Variants in CAPN8 observed in about 807,000 individuals in gnomAD.
CAPN8 encodes the protein calpain 8.
A neutral mutation model predicts 80.9 loss-of-function variants in CAPN8; 87 were observed. The ratio of observed to expected loss-of-function variants is 1.07; its 90% CI spans 0.90 to 1.28. CAPN8 has a LOEUF of 1.28. Ranked by LOEUF, CAPN8 falls within the 50% of genes most tolerant of loss-of-function variation. CAPN8 has a pLI of 0.00. For synonymous variants in CAPN8, 299 were observed against 273.8 expected (o/e 1.09, Z -0.91); for missense variants, 757 against 702.0 (o/e 1.08, Z -0.89).
At chr1:223,556,024 C>G (rs1054219651) in intron 13 of CAPN8, among the ~76,000 whole-genome samples, 1 of 152,164 alleles carries the variant, frequency 6.6e-6, no homozygotes, top group Admixed American at 6.5e-5. Flanking sequence ...GCATGGCAAA[C>G]GCAAGGAATT....
intron 9 of CAPN8, among the ~76,000 whole-genome samples, chr1:223,618,936 T>C (rs1657289306): frequency 6.6e-6 from 1 of 152,134 alleles, no homozygotes; most frequent in African/African-American, 2.4e-5. Context: ...ACAACTGTAA[T>C]CCCAGAACTT....
intron 16 of CAPN8, among the ~76,000 whole-genome samples, chr1:223,547,533 T>G (rs1417355006): frequency 6.6e-6 from 1 of 152,218 alleles, no homozygotes; most frequent in African/African-American, 2.4e-5. Context: ...ATGTTCTAAA[T>G]TATGTGATGA....
chr1:223,648,537 G>T (rs1052273921), intron 2 of CAPN8, among the ~76,000 whole-genome samples: 2 of 152,228 alleles, frequency 1.3e-5, no homozygotes, highest in Non-Finnish European at 2.9e-5. Flanking sequence ...CTGACTAGCG[G>T]TGTGCATGCC....
At chr1:223,619,098 G>A (rs1657296258) in intron 9 of CAPN8, among the ~76,000 whole-genome samples, 195 bp downstream of exon 9, 1 of 152,212 alleles carries the variant, frequency 6.6e-6, no homozygotes, top group African/African-American at 2.4e-5. Context: ...GAAGGCTGAG[G>A]TGAGAGGATC....
intron 7 of CAPN8, among the ~76,000 whole-genome samples, chr1:223,621,164 T>A (rs1048223631): frequency 2.6e-4 from 40 of 152,130 alleles, no homozygotes; most frequent in South Asian, 1.2e-3. Flanking sequence ...AATCTCAGAA[T>A]GTGCTTGTTA....
chr1:223,541,767 A>G lies in CAPN8; in HGVS notation c.*69T>C, dbSNP rs572082102. 3 of 1,551,104 alleles carry G rather than the reference A, an allele frequency of 1.9e-6. No individual in the cohort carries two copies. The South Asian group carries it at 3.6e-5, about 18-fold the overall frequency. On this transcript the variant is annotated 3_prime_UTR_variant, in exon 21 of 21. Coordinates refer to ENST00000366872, the MANE Select transcript of CAPN8 (RefSeq NM_001143962.2). ...CCACTGGAGCATAAATGTTCACAAA[A>G]TTGTAGAGAAGGGGTGACAAGAAGC...
chr1:223,557,133 C>T (rs1212028042), intron 13 of CAPN8, among the ~76,000 whole-genome samples: 1 of 152,204 alleles, frequency 6.6e-6, no homozygotes, highest in East Asian at 1.9e-4. Context: ...ATGGGGCATG[C>T]ATTTTCTATC....
intron 2 of CAPN8, among the ~76,000 whole-genome samples, chr1:223,637,302 C>T (rs1019659337): frequency 3.3e-5 from 5 of 152,188 alleles, no homozygotes; most frequent in Admixed American, 1.3e-4. Context: ...TCTGTAGCCA[C>T]ACTCCACCTC....
In CAPN8 at chr1:223,656,676, G is replaced by GT. The variant is rs201821198; in HGVS notation, c.238-2278dup. 3.6e-3 allele frequency among the ~76,000 whole-genome samples: 314 copies of GT among 88,274 alleles called. 19 individuals are homozygous for GT. The highest frequency in any genetic ancestry group is 9.5e-3 in the African/African-American group (240 of 25,300). The allele number at this position is 88,274 out of a possible 152,430, so 57.9% of individuals were successfully genotyped here. ...ACATACACACGTTTTGGGTTTTTTTGTTTTGTTTTTTTTTTTTTTTTTTTT... is the reference window on the plus strand; with the variant it reads ...ACATACACACGTTTTGGGTTTTTTTGTTTTTGTTTTTTTTTTTTTTTTTTTT... On this transcript the variant is annotated intron_variant, in intron 1 of 20. Transcript: ENST00000366872.
rs564402643 is a variant in CAPN8, at chr1:223,664,917, G to A, written c.237+493C>T. Among the ~76,000 whole-genome samples, 3 of 152,286 alleles carry A rather than the reference G, an allele frequency of 2.0e-5. No homozygotes were observed. The South Asian group carries it at 6.2e-4, about 32-fold the overall frequency. Reference sequence around the variant, plus strand: ...ATCGCACCACTGCACTCCAGTCTGGGTGACAGAGTGAGACTCTGCCTCAAA... The same window carrying A: ...ATCGCACCACTGCACTCCAGTCTGGATGACAGAGTGAGACTCTGCCTCAAA... On this transcript the variant is annotated intron_variant, in intron 1 of 20. Coordinates refer to ENST00000366872, the MANE Select transcript of CAPN8 (RefSeq NM_001143962.2).
intron 20 of CAPN8, among the ~76,000 whole-genome samples, chr1:223,542,091 A>G (rs1273653829): frequency 6.6e-6 from 1 of 152,034 alleles, no homozygotes; most frequent in African/African-American, 2.4e-5. Flanking sequence ...GAGCTCCAAA[A>G]ATAGGTATGT....
intron 2 of CAPN8, among the ~76,000 whole-genome samples, chr1:223,651,274 C>T (rs185954579): frequency 1.3e-5 from 2 of 152,222 alleles, no homozygotes; most frequent in Admixed American, 1.3e-4. Flanking sequence ...CGTTTGAGGG[C>T]TGTTTCAACA....
At chr1:223,556,990 C>G (rs893597079) in intron 13 of CAPN8, among the ~76,000 whole-genome samples, 11 of 152,122 alleles carry the variant, frequency 7.2e-5, no homozygotes, top group African/African-American at 2.7e-4. Context: ...GTCACAAGCA[C>G]AGAAAGGGCC....
At position 223,545,466 on chromosome 1, in the gene CAPN8, A is replaced by T. The variant is rs150254946; in HGVS notation, c.1765-167T>A. ...TGTGTAACAGGTTCAAATAAAGATT[A>T]AAAAGTCAAACGTGCACCAAGGCTC... On this transcript the variant is annotated intron_variant, in intron 16 of 20. Transcript: ENST00000366872. 3.8e-5 allele frequency: 42 copies of T among 1,119,898 alleles called. No homozygotes were observed. In the East Asian group the frequency reaches 1.0e-3, roughly 28 times the overall value. 69.4% of individuals were successfully genotyped at this position (1,119,898 alleles called of 1,614,324 possible). A position where few individuals can be genotyped will look rare whatever the true frequency, so the allele number is the denominator to read the frequency against.
intron 2 of CAPN8, among the ~76,000 whole-genome samples, chr1:223,650,972 G>A (rs12754440): frequency 0.38 from 58,196 of 152,068 alleles, 12,454 homozygotes; most frequent in Non-Finnish European, 0.49. Context: ...TGGCTGGGTC[G>A]CTGAAGTTTC....
At position 223,628,284 on chromosome 1, in the gene CAPN8, T is replaced by C. The variant is rs1311244674; in HGVS notation, c.427-142A>G. 5.1e-6 allele frequency: 5 copies of C among 982,660 alleles called. No individual in the cohort carries two copies. The African/African-American group carries it at 8.2e-5, about 16-fold the overall frequency. The allele number at this position is 982,660 out of a possible 1,614,324, so 60.9% of individuals were successfully genotyped here. A position where few individuals can be genotyped will look rare whatever the true frequency, so the allele number is the denominator to read the frequency against. On this transcript the variant is annotated intron_variant, in intron 3 of 20. Transcript: ENST00000366872. The stretch of plus-strand genomic sequence containing the variant: ...AGGAGCAGGACATGTGTCTGCCTTA[T>C]CTGTGCACATAGGAGATGCCAGATG...
At chr1:223,663,161 C>A (rs1373573834) in intron 1 of CAPN8, among the ~76,000 whole-genome samples, 4 of 152,236 alleles carry the variant, frequency 2.6e-5, no homozygotes, top group African/African-American at 9.6e-5. Context: ...CAAATCAGCA[C>A]ATCCAGTCTA....
intron 2 of CAPN8, among the ~76,000 whole-genome samples, chr1:223,641,491 C>T (rs1266226627): frequency 6.6e-6 from 1 of 152,070 alleles, no homozygotes; most frequent in Non-Finnish European, 1.5e-5. Flanking sequence ...TTCCTGGTGT[C>T]TGCACTCTCC....
At chr1:223,616,555 T>A (rs562235149) in intron 9 of CAPN8, among the ~76,000 whole-genome samples, 1 of 152,282 alleles carries the variant, frequency 6.6e-6, no homozygotes, top group African/African-American at 2.4e-5. Context: ...GGAAGGGAGA[T>A]CTCTGGGTAA....
Sources: gnomAD v4.1 joint callset for allele counts (sites outside exome capture counted in the v4.1 genomes callset) on GRCh38, gnomAD v4.1.1 for gene constraint, MANE v1.5 for transcripts, NCBI Gene and HGNC (gene_info 2026-07-23, HGNC 2026-07-21) for gene names.